The following ELAC1 variants were observed in gnomAD, a reference collection of about 807,000 sequenced individuals.
ELAC1 encodes zinc phosphodiesterase ELAC protein 1.
ELAC1 carries 19 observed loss-of-function variants against 25.8 expected under a neutral mutation model. The observed-to-expected ratio is 0.74, with a 90% CI of 0.51 to 1.08. ELAC1 has a LOEUF of 1.08. ELAC1 is among the 50% of genes least tolerant of loss of function. The pLI, the probability that ELAC1 is intolerant of heterozygous loss-of-function variation, is 0.00. For synonymous variants in ELAC1, 148 were observed against 160.9 expected (o/e 0.92, Z 0.61); for missense variants, 403 against 434.6 (o/e 0.93, Z 0.65).
At chr18:50,982,627 C>T (rs1423620492) in intron 2 of ELAC1, among the ~76,000 whole-genome samples, 1 of 152,182 alleles carries the variant, frequency 6.6e-6, no homozygotes, top group Non-Finnish European at 1.5e-5. Flanking sequence ...CATATTCCAG[C>T]AATAAATTCA....
chr18:50,984,431 T>C lies in ELAC1; in HGVS notation c.493T>C (p.Tyr165His), dbSNP rs1411588896. 1 of 1,613,982 alleles carries C rather than the reference T, an allele frequency of 6.2e-7. No individual in the cohort carries two copies. The highest frequency in any genetic ancestry group is 8.5e-7 in the Non-Finnish European group (1 of 1,179,936). Residue 165 changes from tyrosine to histidine, a missense_variant, in exon 3 of 4, where the codon TAC (tyrosine) becomes CAC (histidine). Physicochemically the swap from Tyr to His is moderately conservative, Grantham distance 83 (BLOSUM62 2). Coordinates refer to ENST00000269466, the MANE Select transcript of ELAC1 (RefSeq NM_018696.3). ...CCTGTTAGACTCAGAAGAAAACTCA[T>C]ACCTTCTGTTTGATGATGAACAATT... The part of the protein sequence containing the change: ...TILLDSEENS[Y>H]LLFDDEQFVV...
At chr18:50,968,179 A>G (rs529569573) in intron 1 of ELAC1, 65 bp downstream of exon 1, 48 of 151,998 alleles carry the variant, frequency 3.2e-4, no homozygotes, top group African/African-American at 1.2e-3. Flanking sequence ...CGGCTCGATC[A>G]GGCACGGCCC....
intron 1 of ELAC1, 29 bp from the exon 2 acceptor site, chr18:50,974,368 A>G: frequency 6.6e-7 from 1 of 1,505,054 alleles, no homozygotes; most frequent in Non-Finnish European, 8.9e-7. Flanking sequence ...GTGATATGAA[A>G]TAATCCCCAG....
intron 1 of ELAC1, among the ~76,000 whole-genome samples, chr18:50,973,675 AGTT>A (rs897525946): frequency 3.9e-5 from 6 of 152,114 alleles, no homozygotes; most frequent in East Asian, 1.9e-4. Flanking sequence ...TCTCAACTAG[AGTT>A]GTTGTTGTTT....
At chr18:50,978,650 A>ATG (rs1365011233) in intron 2 of ELAC1, among the ~76,000 whole-genome samples, 17 of 151,944 alleles carry the variant, frequency 1.1e-4, no homozygotes, top group Admixed American at 9.2e-4. Context: ...CACTGTGTAT[A>ATG]TGTGTGTGTG....
rs1186354518 is a variant in ELAC1, at chr18:50,987,554, G to A, written c.*469G>A. Reference sequence around the variant, plus strand: ...CGTTGGACAGGCAGGATTGATGATAGCATGACCATAGCTTTGCTGGAATAC... The same window carrying A: ...CGTTGGACAGGCAGGATTGATGATAACATGACCATAGCTTTGCTGGAATAC... On this transcript the variant is annotated 3_prime_UTR_variant, in exon 4 of 4. Transcript: ENST00000269466. The A allele has an allele frequency of 1.3e-5, 2 of 153,044 alleles. No individual in the cohort carries two copies. Among genetic ancestry groups the A allele is most frequent in the Admixed American group, 1.3e-4 (2 of 15,310 alleles). The allele number at this position is 153,044 out of a possible 1,614,324, so 9.5% of individuals were successfully genotyped here. A position where few individuals can be genotyped will look rare whatever the true frequency, so the allele number is the denominator to read the frequency against.
intron 2 of ELAC1, among the ~76,000 whole-genome samples, chr18:50,976,804 C>A (rs1907806285): frequency 6.6e-6 from 1 of 152,230 alleles, no homozygotes; most frequent in South Asian, 2.1e-4. Flanking sequence ...TCCCTTCTAC[C>A]TATGAACCTG....
intron 2 of ELAC1, among the ~76,000 whole-genome samples, chr18:50,977,741 C>T (rs1256606139): frequency 2.0e-5 from 3 of 152,218 alleles, no homozygotes; most frequent in African/African-American, 7.2e-5. Context: ...TTTTCTGTTA[C>T]ATCATCAGGA....
chr18:50,974,374 C>A, intron 1 of ELAC1, 23 bp from the exon 2 acceptor site: 1 of 1,497,804 alleles, frequency 6.7e-7, no homozygotes, highest in Non-Finnish European at 8.9e-7. Context: ...TGAAATAATC[C>A]CCAGATGATC....
chr18:50,968,411 G>T (rs936189784), intron 1 of ELAC1: 1 of 152,530 alleles, frequency 6.6e-6, no homozygotes, highest in African/African-American at 2.4e-5. Context: ...ACTCTCTGCC[G>T]CCCGGCCTCG....
At chr18:50,971,527 A>G (rs992259800) in intron 1 of ELAC1, among the ~76,000 whole-genome samples, 12 of 152,124 alleles carry the variant, frequency 7.9e-5, no homozygotes. Context: ...AGCTGGGACT[A>G]TAAGCACATG....
In ELAC1 at chr18:50,987,199, A is replaced by G; in HGVS notation, c.*114A>G. On this transcript the variant is annotated 3_prime_UTR_variant, in exon 4 of 4. Coordinates refer to ENST00000269466, the MANE Select transcript of ELAC1 (RefSeq NM_018696.3). ...AATTATTTGGGCCCTAATAATCCTA[A>G]AAAGAATGGAGCTGCATTGATGAAT... is the stretch of plus-strand genomic sequence containing the variant. 1.3e-6 allele frequency: 1 copy of G among 742,894 alleles called. No individual in the cohort carries two copies. The highest frequency in any genetic ancestry group is 2.0e-6 in the Non-Finnish European group (1 of 500,488). The allele number at this position is 742,894 out of a possible 1,614,324, so 46.0% of individuals were successfully genotyped here.
In ELAC1 at chr18:50,986,756, T is replaced by C. The variant is rs1468695566; in HGVS notation, c.763T>C (p.Ser255Pro). 1.9e-6 allele frequency: 3 copies of C among 1,614,218 alleles called. No individual in the cohort carries two copies. Among genetic ancestry groups the C allele is most frequent in the Non-Finnish European group, 2.5e-6 (3 of 1,180,028 alleles). ...AAAAATCTGCATATTGGGTGACTGCTCTGGGGTTGTGGGTGATGGAGGAGT... is the reference window on the plus strand; with the variant it reads ...AAAAATCTGCATATTGGGTGACTGCCCTGGGGTTGTGGGTGATGGAGGAGT... The part of the protein sequence containing the change: ...GRKICILGDC[S>P]GVVGDGGVKL... The change falls in exon 4 of 4, where the codon TCT (serine) becomes CCT (proline). Residue 255 changes from serine to proline, a missense_variant. Physicochemically the swap from Ser to Pro is moderately conservative, Grantham distance 74 (BLOSUM62 -1). Transcript: ENST00000269466.
At chr18:50,983,168 T>G (rs1908003503) in intron 2 of ELAC1, among the ~76,000 whole-genome samples, 1 of 140,278 alleles carries the variant, frequency 7.1e-6, no homozygotes, top group African/African-American at 2.7e-5. Flanking sequence ...TTTTTTTTTT[T>G]TTTTTTTTTT....
chr18:50,986,489 C>G (rs935574940), intron 3 of ELAC1, 130 bp from the exon 4 acceptor site: 10 of 728,738 alleles, frequency 1.4e-5, no homozygotes, highest in Middle Eastern at 2.9e-4. Flanking sequence ...CAGTTTTCCA[C>G]AAGTAGTAAA....
At chr18:50,974,300 C>A (rs143898455) in intron 1 of ELAC1, 97 bp from the exon 2 acceptor site, 35,091 of 1,183,462 alleles carry the variant, frequency 0.03, 588 homozygotes, top group Non-Finnish European at 0.034. Context: ...CCAGACTGTT[C>A]TAAATAACCA....
intron 2 of ELAC1, among the ~76,000 whole-genome samples, chr18:50,975,715 A>T (rs578052133): frequency 6.6e-6 from 1 of 152,232 alleles, no homozygotes; most frequent in East Asian, 1.9e-4. Flanking sequence ...TAAAGGAAAG[A>T]TACTTCTAGT....
intron 2 of ELAC1, 109 bp downstream of exon 2, chr18:50,974,670 C>G: frequency 9.7e-7 from 1 of 1,028,220 alleles, no homozygotes; most frequent in Non-Finnish European, 1.5e-6. Flanking sequence ...TTGCATCCCA[C>G]TTCAGTGCTA....
intron 1 of ELAC1, among the ~76,000 whole-genome samples, chr18:50,971,684 C>T (rs1907657439): frequency 6.6e-6 from 1 of 151,944 alleles, no homozygotes; most frequent in African/African-American, 2.4e-5. Context: ...CATGAGCTAC[C>T]ATACCCAGCC....
Sources: gnomAD v4.1 joint callset for allele counts (sites outside exome capture counted in the v4.1 genomes callset) on GRCh38, gnomAD v4.1.1 for gene constraint, MANE v1.5 for transcripts, NCBI Gene and HGNC (gene_info 2026-07-23, HGNC 2026-07-21) for gene names.